Variants in SIAH3 observed in about 807,000 individuals in gnomAD.
SIAH3 encodes the protein seven in absentia homolog 3.
Under a neutral mutation model 12.6 loss-of-function variants are expected in SIAH3, and 9 were observed. That is an observed-to-expected ratio of 0.72 (90% CI 0.43 to 1.25). SIAH3 has a LOEUF of 1.25. Ranked by LOEUF, SIAH3 falls within the 50% of genes most tolerant of loss-of-function variation. The pLI, the probability that SIAH3 is intolerant of heterozygous loss-of-function variation, is 0.00. For synonymous variants in SIAH3, 154 were observed against 151.1 expected (o/e 1.02, Z -0.14); for missense variants, 390 against 365.4 (o/e 1.07, Z -0.55).
At chr13:45,838,733 G>A (rs761207191) in intron 1 of SIAH3, among the ~76,000 whole-genome samples, 2 of 152,062 alleles carry the variant, frequency 1.3e-5, no homozygotes, top group Non-Finnish European at 2.9e-5. Context: ...CGTCAGTGCT[G>A]TTTAATGAGG....
chr13:45,835,735 C>A (rs76368152), intron 1 of SIAH3, among the ~76,000 whole-genome samples: 2,499 of 152,310 alleles, frequency 0.016, 31 homozygotes, highest in Middle Eastern at 0.034. Context: ...CGGACCCAGT[C>A]TGGCTCAGAA....
chr13:45,800,268 G>A (rs1054620982), intron 1 of SIAH3, among the ~76,000 whole-genome samples: 4 of 151,992 alleles, frequency 2.6e-5, no homozygotes, highest in South Asian at 2.1e-4. Context: ...AACTATATGC[G>A]TCAAGAGATG....
intron 1 of SIAH3, among the ~76,000 whole-genome samples, chr13:45,829,904 C>T (rs190559649): frequency 6.7e-4 from 102 of 152,234 alleles, no homozygotes; most frequent in Non-Finnish European, 1.2e-3. Context: ...CCTTCTGTCC[C>T]GGGGTGCAGC....
At chr13:45,786,956 C>T (rs1950530057) in intron 1 of SIAH3, among the ~76,000 whole-genome samples, 1 of 152,138 alleles carries the variant, frequency 6.6e-6, no homozygotes, top group Admixed American at 6.5e-5. Flanking sequence ...CATTTTCCAT[C>T]TTCTCTGTCC....
intron 1 of SIAH3, among the ~76,000 whole-genome samples, chr13:45,829,243 A>T (rs1468740226): frequency 6.6e-6 from 1 of 152,160 alleles, no homozygotes; most frequent in East Asian, 1.9e-4. Flanking sequence ...AAAATGCATT[A>T]ATCTCAACTG....
intron 1 of SIAH3, among the ~76,000 whole-genome samples, chr13:45,810,641 G>GA (rs1950613482): frequency 4.6e-5 from 7 of 152,078 alleles, no homozygotes; most frequent in Admixed American, 3.9e-4. Flanking sequence ...AAGACATTGA[G>GA]AAAAAATGTG....
At chr13:45,795,427 C>T (rs1331444545) in intron 1 of SIAH3, among the ~76,000 whole-genome samples, 1 of 152,198 alleles carries the variant, frequency 6.6e-6, no homozygotes, top group East Asian at 1.9e-4. Flanking sequence ...ATGAGAGTTT[C>T]CCAGCACTCA....
At chr13:45,837,209 A>G (rs1950720776) in intron 1 of SIAH3, among the ~76,000 whole-genome samples, 2 of 151,858 alleles carry the variant, frequency 1.3e-5, no homozygotes, top group African/African-American at 4.8e-5. Context: ...TTAATTCTAC[A>G]CTCCAGTAAC....
At chr13:45,805,816 G>T (rs1197877817) in intron 1 of SIAH3, among the ~76,000 whole-genome samples, 1 of 152,102 alleles carries the variant, frequency 6.6e-6, no homozygotes, top group Non-Finnish European at 1.5e-5. Flanking sequence ...GAAAATATTT[G>T]CAAACTATGC....
intron 1 of SIAH3, among the ~76,000 whole-genome samples, chr13:45,803,105 G>T (rs562672473): frequency 8.6e-5 from 13 of 151,752 alleles, no homozygotes; most frequent in Non-Finnish European, 1.8e-4. Context: ...TAGAAAGCCT[G>T]TTTGGCAGGG....
chr13:45,786,759 G>T (rs1950529337), intron 1 of SIAH3, among the ~76,000 whole-genome samples: 1 of 152,234 alleles, frequency 6.6e-6, no homozygotes. Flanking sequence ...TTTCACACAC[G>T]AGCAGCAATC....
At position 45,783,564 on chromosome 13, in the gene SIAH3, C is replaced by G; in HGVS notation, c.629G>C (p.Arg210Pro). The change falls in exon 2 of 2, where the codon CGG (arginine) becomes CCG (proline). Residue 210 changes from arginine to proline, a missense_variant. Transcript: ENST00000400405. ...GGGCGTGGCCTCCCACTTGAGGCGC[C>G]GATGGTTTCTGTTGAGCTCCAGGCG... ...TYRLELNRNHRRLKWEATPRS... is the reference protein window; with the variant it reads ...TYRLELNRNHPRLKWEATPRS... 1 of 1,614,182 alleles carries G rather than the reference C, an allele frequency of 6.2e-7. No individual in the cohort carries two copies. The highest frequency in any genetic ancestry group is 8.5e-7 in the Non-Finnish European group (1 of 1,180,028).
At chr13:45,839,810 C>A (rs557445302) in intron 1 of SIAH3, among the ~76,000 whole-genome samples, 1 of 151,400 alleles carries the variant, frequency 6.6e-6, no homozygotes, top group Admixed American at 6.6e-5. Flanking sequence ...CCAGCCTGGG[C>A]AACAGAGTGA....
chr13:45,850,636 A>G (rs1199616634), intron 1 of SIAH3, among the ~76,000 whole-genome samples: 1 of 150,852 alleles, frequency 6.6e-6, no homozygotes, highest in African/African-American at 2.4e-5. Context: ...GTGGCCCATC[A>G]TTCCTTTCCC....
Position 45,782,282 on chromosome 13 carries a change from A to G in SIAH3, c.*1101T>C, listed in dbSNP as rs1950507416. 1 of 152,202 alleles carries G rather than the reference A, an allele frequency of 6.6e-6. No homozygotes were observed. The highest frequency in any genetic ancestry group is 2.4e-5 in the African/African-American group (1 of 41,458). 9.4% of individuals were successfully genotyped at this position (152,202 alleles called of 1,614,324 possible). ...AGCCGTGGTCACGTCTGCGTGCTGAATGGGACGGTAGGAGCATTTTAGAAA... is the reference window on the plus strand; with the variant it reads ...AGCCGTGGTCACGTCTGCGTGCTGAGTGGGACGGTAGGAGCATTTTAGAAA... On this transcript the variant is annotated 3_prime_UTR_variant, in exon 2 of 2. Coordinates refer to ENST00000400405, the MANE Select transcript of SIAH3 (RefSeq NM_198849.3).
At chr13:45,841,710 T>A (rs940484505) in intron 1 of SIAH3, among the ~76,000 whole-genome samples, 4 of 152,232 alleles carry the variant, frequency 2.6e-5, no homozygotes, top group Admixed American at 6.5e-5. Flanking sequence ...ATAGTCAAGA[T>A]GAATATGTAG....
intron 1 of SIAH3, among the ~76,000 whole-genome samples, chr13:45,802,026 C>G (rs547777337): frequency 6.6e-6 from 1 of 152,124 alleles, no homozygotes; most frequent in African/African-American, 2.4e-5. Context: ...AGTTTGGGGC[C>G]GGGCGTGGTG....
At chr13:45,785,766 C>T (rs1387506292) in intron 1 of SIAH3, among the ~76,000 whole-genome samples, 1 of 152,210 alleles carries the variant, frequency 6.6e-6, no homozygotes, top group African/African-American at 2.4e-5. Flanking sequence ...AGCGCCTGTC[C>T]TGCCCCTGGA....
At position 45,781,207 on chromosome 13, in the gene SIAH3, C is replaced by CT. The variant is rs1295957933; in HGVS notation, c.*2175dup. The stretch of plus-strand genomic sequence containing the variant: ...GGCAAAGGTGATGTCTGCAGGAGCC[C>CT]TAAGGCCCTGTGAATGTTAGTTATA... On this transcript the variant is annotated 3_prime_UTR_variant, in exon 2 of 2. Coordinates refer to ENST00000400405, the MANE Select transcript of SIAH3 (RefSeq NM_198849.3). The CT allele has an allele frequency of 1.3e-5, 2 of 152,628 alleles. No homozygotes were observed. Among genetic ancestry groups the CT allele is most frequent in the Non-Finnish European group, 2.9e-5 (2 of 68,044 alleles). The allele number at this position is 152,628 out of a possible 1,614,324, so 9.5% of individuals were successfully genotyped here.
Sources: gnomAD v4.1 joint callset for allele counts (sites outside exome capture counted in the v4.1 genomes callset) on GRCh38, gnomAD v4.1.1 for gene constraint, MANE v1.5 for transcripts, NCBI Gene and HGNC (gene_info 2026-07-23, HGNC 2026-07-21) for gene names.